Variants in CSMD1 observed in about 807,000 individuals in gnomAD.
CSMD1 encodes CUB and sushi domain-containing protein 1.
CSMD1 carries 213 observed loss-of-function variants against 417.5 expected under a neutral mutation model. That is an observed-to-expected ratio of 0.51 (90% CI 0.46 to 0.57). The LOEUF (loss-of-function observed/expected upper bound fraction) is 0.57. Among genes scored for constraint, CSMD1 ranks in the 20% least tolerant of loss-of-function variants. The pLI is 0.00. For missense variants in CSMD1, 6,923 were observed against 4,529.7 expected (o/e 1.53, Z -15.17); for synonymous variants, 2,862 against 1,736.8 (o/e 1.65, Z -16.11).
chr8:3,460,162 T>A (rs1448626092), intron 12 of CSMD1, among the ~76,000 whole-genome samples: 2 of 152,082 alleles, frequency 1.3e-5, no homozygotes, highest in Non-Finnish European at 2.9e-5. Context: ...GCAAATCACA[T>A]AATCTAGGAT....
At chr8:4,274,538 A>G (rs968721889) in intron 3 of CSMD1, among the ~76,000 whole-genome samples, 1 of 152,170 alleles carries the variant, frequency 6.6e-6, no homozygotes, top group African/African-American at 2.4e-5. Context: ...AATTATAGTA[A>G]GAGGTCTGTG....
intron 3 of CSMD1, among the ~76,000 whole-genome samples, chr8:4,118,722 C>T (rs962361302): frequency 6.6e-6 from 1 of 152,124 alleles, no homozygotes; most frequent in Non-Finnish European, 1.5e-5. Flanking sequence ...TACCATTTGA[C>T]CCAGCAATCC....
At chr8:4,205,882 T>C (rs994968389) in intron 3 of CSMD1, among the ~76,000 whole-genome samples, 13 of 152,214 alleles carry the variant, frequency 8.5e-5, no homozygotes, top group Non-Finnish European at 1.3e-4. Context: ...CTTCCTATTA[T>C]GCACTGTGCA....
Position 3,564,149 on chromosome 8 carries a change from G to C in CSMD1, c.1344+10796C>G, listed in dbSNP as rs545408342. The stretch of plus-strand genomic sequence containing the variant: ...CATGTATCTTTCCTTGTGTTTGGAA[G>C]ATTGAAATTATTTTCTTCTAGCTAT... On this transcript the variant is annotated intron_variant, in intron 10 of 69. Transcript: ENST00000635120. Among the ~76,000 whole-genome samples, 7 of 152,228 alleles carry C rather than the reference G, an allele frequency of 4.6e-5. No homozygotes were observed. In the South Asian group the frequency reaches 1.5e-3, roughly 32 times the overall value.
Position 3,369,510 on chromosome 8 carries a change from G to A in CSMD1, c.2783-140C>T, listed in dbSNP as rs112537462. 7.4e-3 allele frequency: 4,385 copies of A among 593,190 alleles called. 36 individuals are homozygous for A. Among genetic ancestry groups the A allele is most frequent in the Non-Finnish European group, 0.01 (3,396 of 331,670 alleles). 36.7% of individuals were successfully genotyped at this position (593,190 alleles called of 1,614,324 possible). A position where few individuals can be genotyped will look rare whatever the true frequency, so the allele number is the denominator to read the frequency against. ...ATCCAAGAAAAACCAAGCAGAACCT[G>A]AGCTTTATGTTACTTGCAAATATCA... On this transcript the variant is annotated intron_variant, in intron 18 of 69. Coordinates refer to ENST00000635120, the MANE Select transcript of CSMD1 (RefSeq NM_033225.6).
chr8:2,944,929 T>C (rs1264252980), intron 68 of CSMD1, among the ~76,000 whole-genome samples: 1 of 152,216 alleles, frequency 6.6e-6, no homozygotes, highest in African/African-American at 2.4e-5. Context: ...CTGGAAAATC[T>C]ACGTGTCACA....
At chr8:3,388,618 T>G (rs1457611820) in intron 17 of CSMD1, among the ~76,000 whole-genome samples, 1 of 152,234 alleles carries the variant, frequency 6.6e-6, no homozygotes, top group Non-Finnish European at 1.5e-5. Flanking sequence ...TATGTTTTAT[T>G]TTTCCAAAAT....
intron 3 of CSMD1, among the ~76,000 whole-genome samples, chr8:4,356,311 A>C (rs1801428217): frequency 6.9e-6 from 1 of 145,364 alleles, no homozygotes; most frequent in South Asian, 2.3e-4. Context: ...ATGGCTAAGT[A>C]GTATTCATCA....
chr8:3,633,624 A>C (rs1176815519), intron 7 of CSMD1, among the ~76,000 whole-genome samples: 1 of 152,206 alleles, frequency 6.6e-6, no homozygotes, highest in Non-Finnish European at 1.5e-5. Context: ...AATATTTCCT[A>C]ATTTAAAAAA....
At chr8:4,946,587 A>G (rs942486327) in intron 1 of CSMD1, among the ~76,000 whole-genome samples, 5 of 152,204 alleles carry the variant, frequency 3.3e-5, no homozygotes, top group Admixed American at 6.5e-5. Context: ...ATAGAACACT[A>G]AATTCTAGGC....
At chr8:4,110,624 C>T (rs1202433343) in intron 3 of CSMD1, among the ~76,000 whole-genome samples, 6 of 93,474 alleles carry the variant, frequency 6.4e-5, no homozygotes, top group Middle Eastern at 5.0e-3. Context: ...CTAATATATA[C>T]CTGATATATA....
intron 10 of CSMD1, among the ~76,000 whole-genome samples, chr8:3,538,752 C>A (rs1366094388): frequency 1.3e-5 from 2 of 152,218 alleles, no homozygotes; most frequent in Admixed American, 6.5e-5. Context: ...AGCAGTCACA[C>A]AGCTCTACAT....
At chr8:4,235,142 G>A (rs972479591) in intron 3 of CSMD1, among the ~76,000 whole-genome samples, 1 of 152,040 alleles carries the variant, frequency 6.6e-6, no homozygotes, top group African/African-American at 2.4e-5. Context: ...GACTTCCTCC[G>A]TCTCCACCCA....
intron 10 of CSMD1, among the ~76,000 whole-genome samples, chr8:3,563,435 T>C (rs1585374456): frequency 1.5e-5 from 1 of 68,718 alleles, no homozygotes; most frequent in African/African-American, 5.8e-5. Context: ...GGTAACGTAT[T>C]AAAAGGTAAA....
At chr8:3,305,027 A>C (rs1277906789) in intron 25 of CSMD1, among the ~76,000 whole-genome samples, 1 of 152,136 alleles carries the variant, frequency 6.6e-6, no homozygotes, top group Non-Finnish European at 1.5e-5. Flanking sequence ...ATTCAAAGTT[A>C]AGGACTAATA....
In CSMD1 at chr8:3,107,652, C is replaced by A. The variant is rs563381444; in HGVS notation, c.6835+66G>T. The A allele has an allele frequency of 8.0e-6, 7 of 877,034 alleles. No homozygotes were observed. The African/African-American group carries it at 1.0e-4, about 13-fold the overall frequency. The allele number at this position is 877,034 out of a possible 1,614,324, so 54.3% of individuals were successfully genotyped here. On this transcript the variant is annotated intron_variant, in intron 45 of 69. Transcript: ENST00000635120. ...CATTAACTTGTCTGAGTAATGATTA[C>A]AATGAGAAGTGGGTGTAAAAAAATG...
chr8:4,360,204 C>T (rs1163081864), intron 3 of CSMD1, among the ~76,000 whole-genome samples: 2 of 152,158 alleles, frequency 1.3e-5, no homozygotes, highest in Non-Finnish European at 1.5e-5. Flanking sequence ...GCATTTGTCA[C>T]CATTTTAGGG....
chr8:4,893,185 C>G (rs6558932), intron 1 of CSMD1, among the ~76,000 whole-genome samples: 129,690 of 152,092 alleles, frequency 0.85, 55,628 homozygotes, highest in East Asian at 0.97. Context: ...TTTTCATCAG[C>G]TTTATTAACT....
At chr8:3,887,242 C>A (rs1806628098) in intron 5 of CSMD1, among the ~76,000 whole-genome samples, 1 of 152,176 alleles carries the variant, frequency 6.6e-6, no homozygotes, top group Non-Finnish European at 1.5e-5. Flanking sequence ...AGAAGGACAT[C>A]AATGTTCTTG....
Sources: gnomAD v4.1 joint callset for allele counts (sites outside exome capture counted in the v4.1 genomes callset) on GRCh38, gnomAD v4.1.1 for gene constraint, MANE v1.5 for transcripts, NCBI Gene and HGNC (gene_info 2026-07-23, HGNC 2026-07-21) for gene names.